The following VPS51 variants were observed in gnomAD, a reference collection of about 807,000 sequenced individuals.
VPS51 encodes vacuolar protein sorting-associated protein 51 homolog.
A neutral mutation model predicts 65.1 loss-of-function variants in VPS51; 55 were observed. The ratio of observed to expected loss-of-function variants is 0.84; its 90% CI spans 0.68 to 1.06. The LOEUF (loss-of-function observed/expected upper bound fraction) is 1.06, where lower values mean the gene tolerates loss of function less well. Among genes scored for constraint, VPS51 ranks in the 50% least tolerant of loss-of-function variants. The pLI is 0.00. For missense variants in VPS51, 943 were observed against 1,101.6 expected (o/e 0.86, Z 2.04); for synonymous variants, 473 against 489.5 (o/e 0.97, Z 0.44).
chr11:65,109,609 C>T, intron 6 of VPS51, 96 bp from the exon 7 acceptor site: 2 of 1,514,278 alleles, frequency 1.3e-6, no homozygotes, highest in Non-Finnish European at 1.8e-6. Flanking sequence ...CCCCAGCCTC[C>T]ACCTTGCCCA....
At position 65,111,661 on chromosome 11, in the gene VPS51, C is replaced by T. The variant is rs1422696664; in HGVS notation, c.*74C>T. The T allele has an allele frequency of 6.8e-7, 1 of 1,477,324 alleles. No homozygotes were observed. Among genetic ancestry groups the T allele is most frequent in the Non-Finnish European group, 9.0e-7 (1 of 1,115,586 alleles). The allele number at this position is 1,477,324 out of a possible 1,614,324, so 91.5% of individuals were successfully genotyped here. ...AGGATCTGGTCTCGGTGGTCCTTCC[C>T]CGCAGGCAGGTGTCAGGACCGGCCT... On this transcript the variant is annotated 3_prime_UTR_variant, in exon 10 of 10. Coordinates refer to ENST00000279281, the MANE Select transcript of VPS51 (RefSeq NM_013265.4).
rs543294 is a variant in VPS51, at chr11:65,109,909, G to A, written c.1864G>A (p.Ala622Thr). 9 of 1,602,174 alleles carry A rather than the reference G, an allele frequency of 5.6e-6. No homozygotes were observed. The highest frequency in any genetic ancestry group is 2.2e-5 in the South Asian group (2 of 89,158). The change falls in exon 7 of 10, where the codon GCC (alanine) becomes ACC (threonine). Residue 622 changes from alanine (A) to threonine (T), a missense_variant. Physicochemically the swap from Ala to Thr is moderately conservative, Grantham distance 58. Transcript: ENST00000279281. ...VMKRVVEDTT[A>T]IDVQVGLLYE... ...GAAGCGGGTGGTGGAGGATACCACC[G>A]CCATCGACGTGCAGGTGCTGCCCAG...
chr11:65,102,134 T>TGGGGTTCA (rs1947813527), intron 2 of VPS51, among the ~76,000 whole-genome samples: 3 of 151,776 alleles, frequency 2.0e-5, no homozygotes, highest in African/African-American at 7.3e-5. Context: ...TCTCCTGTCT[T>TGGGGTTCA]AGGCTTCCAA....
chr11:65,110,708 C>A lies in VPS51; in HGVS notation c.2015C>A (p.Thr672Asn). Residue 672 changes from threonine (T) to asparagine (N), a missense_variant, in exon 9 of 10, where the codon ACC (threonine) becomes AAC (asparagine). Coordinates refer to ENST00000279281, the MANE Select transcript of VPS51 (RefSeq NM_013265.4). ...PSYTPSAPMD[T>N]NLLSNIQKLF... is the part of the protein sequence containing the mutation. ...CCCCAATCCAGTGCCCCGATGGACA[C>A]CAACCTCTTGAGCAATATCCAGAAG... is the stretch of plus-strand genomic sequence containing the variant. 1 of 1,614,178 alleles carries A rather than the reference C, an allele frequency of 6.2e-7. No individual in the cohort carries two copies. The highest frequency in any genetic ancestry group is 8.5e-7 in the Non-Finnish European group (1 of 1,180,024).
intron 1 of VPS51, 38 bp downstream of exon 1, chr11:65,096,516 G>T: frequency 9.0e-7 from 1 of 1,115,778 alleles, no homozygotes; most frequent in Non-Finnish European, 1.3e-6. Context: ...GCGGGGAGGG[G>T]GGAAGGGAAC....
Position 65,107,742 on chromosome 11 carries a change from G to A in VPS51, c.505+15G>A. 6.2e-7 allele frequency: 1 copy of A among 1,604,444 alleles called. No homozygotes were observed. Among genetic ancestry groups the A allele is most frequent in the Non-Finnish European group, 8.5e-7 (1 of 1,174,792 alleles). ...CAAGCTGGCAGGTGGGCGCTGCCGG[G>A]CAGGGCCTGCAGTGGGCCTTTCCTG... On this transcript the variant is annotated intron_variant, in intron 3 of 9. Transcript: ENST00000279281. The surrounding 1 kb of genome is among the most constrained non-coding windows in gnomAD (Gnocchi z 4.0).
intron 9 of VPS51, chr11:65,111,085 A>G (rs751326226): frequency 5.4e-6 from 4 of 739,524 alleles, no homozygotes; most frequent in African/African-American, 1.7e-5. Flanking sequence ...CTGTTCACCC[A>G]TGGTCCCTGC....
rs1199624024 is a variant in VPS51 at position 65,108,520 on chromosome 11, C to T, written c.1049C>T (p.Ala350Val). The change falls in exon 5 of 10, where the codon GCG (alanine) becomes GTG (valine). Residue 350 changes from alanine to valine, a missense_variant. Physicochemically the swap from Ala to Val is moderately conservative, Grantham distance 64. This residue lies in a region of VPS51 where 855 missense variants were observed against 953.7 expected (regional missense o/e 0.90). Transcript: ENST00000279281. Reference protein sequence around the residue: ...FARQLGSRYFALVERRLAQEQ... With the variant: ...FARQLGSRYFVLVERRLAQEQ... ...CGGCAGCTGGGCAGCCGCTATTTTGCGCTGGTGGAGCGGCGGCTGGCGCAG... is the reference window on the plus strand; with the variant it reads ...CGGCAGCTGGGCAGCCGCTATTTTGTGCTGGTGGAGCGGCGGCTGGCGCAG... The T allele has an allele frequency of 1.3e-6, 2 of 1,595,932 alleles. No homozygotes were observed. The highest frequency in any genetic ancestry group is 1.7e-5 in the Admixed American group (1 of 58,646).
At position 65,107,037 on chromosome 11, in the gene VPS51, G is replaced by C. The variant is rs1053985546; in HGVS notation, c.359-544G>C. 3 of 382,600 alleles carry C rather than the reference G, an allele frequency of 7.8e-6. No homozygotes were observed. Among genetic ancestry groups the C allele is most frequent in the African/African-American group, 6.3e-5 (3 of 47,594 alleles). The allele number at this position is 382,600 out of a possible 1,614,324, so 23.7% of individuals were successfully genotyped here. A position where few individuals can be genotyped will look rare whatever the true frequency, so the allele number is the denominator to read the frequency against. ...GCTCCCAGGCACCTGGTGTGTGAAA[G>C]GAAAAACAGCCTCCCTAGGCAGGAT... On this transcript the variant is annotated intron_variant, in intron 2 of 9. Transcript: ENST00000279281. The surrounding 1 kb of genome is among the most constrained non-coding windows in gnomAD (Gnocchi z 4.0).
rs1947870419 is a variant in VPS51 at position 65,109,278 on chromosome 11, A to G, written c.1444-2A>G. 6.2e-7 allele frequency: 1 copy of G among 1,608,376 alleles called. No individual in the cohort carries two copies. Among genetic ancestry groups the G allele is most frequent in the Non-Finnish European group, 8.5e-7 (1 of 1,176,632 alleles). On this transcript the variant is annotated splice_acceptor_variant, in intron 5 of 9. Coordinates refer to ENST00000279281, the MANE Select transcript of VPS51 (RefSeq NM_013265.4). LOFTEE classifies it high-confidence loss of function. Reference sequence around the variant, plus strand: ...TGTGGACCTGGGCACCTTCTCTTGCAGGGTGAGTTCTGCAGTCAGGGTGTC... The same window carrying G: ...TGTGGACCTGGGCACCTTCTCTTGCGGGGTGAGTTCTGCAGTCAGGGTGTC...
chr11:65,111,007 C>A, intron 9 of VPS51: 1 of 665,480 alleles, frequency 1.5e-6, no homozygotes, highest in Non-Finnish European at 2.6e-6. Context: ...AGTCTGGGTG[C>A]TGACCTGGGA....
chr11:65,110,381 C>G, intron 7 of VPS51, 101 bp from the exon 8 acceptor site: 3 of 1,589,224 alleles, frequency 1.9e-6, no homozygotes, highest in South Asian at 1.1e-5. Context: ...CCCTGTGATC[C>G]TTGTGATGCT....
Position 65,110,513 on chromosome 11 carries a change from A to G in VPS51, c.1910A>G (p.Lys637Arg), listed in dbSNP as rs769440098. 7.0e-5 allele frequency: 113 copies of G among 1,613,868 alleles called. No individual in the cohort carries two copies. The highest frequency in any genetic ancestry group is 8.6e-5 in the Non-Finnish European group (101 of 1,180,026). Residue 637 changes from lysine to arginine, a missense_variant, in exon 8 of 10, where the codon AAG (lysine) becomes AGG (arginine). By Grantham distance (26) the Lys-to-Arg change is conservative. Transcript: ENST00000279281. ...VGLLYEEGVR[K>R]AQSSDSSKRT... ...CTCCTGTACGAAGAGGGTGTTCGCA[A>G]GGCCCAGAGCAGCGACTCCAGCAAG...
At chr11:65,111,067 A>C (rs1345176293) in intron 9 of VPS51, 13 of 709,256 alleles carry the variant, frequency 1.8e-5, no homozygotes, top group Middle Eastern at 2.3e-4. Context: ...GGTCCTCCCC[A>C]GGGTTTTCTG....
rs1362401840 is a variant in VPS51 at position 65,109,702 on chromosome 11, C to T, written c.1660-3C>T. 1.5e-5 allele frequency: 24 copies of T among 1,561,122 alleles called. No individual in the cohort carries two copies. The highest frequency in any genetic ancestry group is 1.8e-4 in the Middle Eastern group (1 of 5,632). Reference sequence around the variant, plus strand: ...CCCTCTGTCCTCTGCCTCCTTGGCTCAGGATCAGTTCCCAGTGACGCCCGT... The same window carrying T: ...CCCTCTGTCCTCTGCCTCCTTGGCTTAGGATCAGTTCCCAGTGACGCCCGT... On this transcript the variant is annotated splice_polypyrimidine_tract_variant and splice_region_variant and intron_variant, in intron 6 of 9. Coordinates refer to ENST00000279281, the MANE Select transcript of VPS51 (RefSeq NM_013265.4).
At chr11:65,110,460 C>A (rs1225855297) in intron 7 of VPS51, 22 bp from the exon 8 acceptor site, 1 of 1,613,790 alleles carries the variant, frequency 6.2e-7, no homozygotes, top group African/African-American at 1.3e-5. Context: ...GGCCTCCTTG[C>A]AGTACCTCTT....
intron 2 of VPS51, among the ~76,000 whole-genome samples, chr11:65,100,419 C>T (rs1278466601): frequency 6.6e-6 from 1 of 151,928 alleles, no homozygotes; most frequent in African/African-American, 2.4e-5. Flanking sequence ...TCTTCAAAAC[C>T]ACACACAAGA....
intron 9 of VPS51, 49 bp from the exon 10 acceptor site, chr11:65,111,278 C>T: frequency 1.9e-6 from 3 of 1,598,056 alleles, no homozygotes; most frequent in South Asian, 2.2e-5. Flanking sequence ...GGGTGTCCCC[C>T]ACACACACCT....
intron 2 of VPS51, among the ~76,000 whole-genome samples, chr11:65,100,837 T>C (rs1407295610): frequency 6.6e-6 from 1 of 152,116 alleles, no homozygotes; most frequent in African/African-American, 2.4e-5. Flanking sequence ...AGAGCCACCA[T>C]GCCTGGCCAA....
Sources: allele counts gnomAD v4.1 joint callset (sites outside exome capture counted in the v4.1 genomes callset), GRCh38; gene constraint gnomAD v4.1.1; regional missense constraint gnomAD v4.1.1; non-coding constraint Gnocchi (gnomAD v3.1); transcripts MANE v1.5; gene names NCBI Gene and HGNC (gene_info 2026-07-23, HGNC 2026-07-21).